The following LTBP1 variants were observed in gnomAD, a reference collection of about 807,000 sequenced individuals.
The protein encoded by LTBP1 is latent transforming growth factor beta binding protein 1, also known as latent-transforming growth factor beta-binding protein 1.
In LTBP1, 129 loss-of-function variants were observed where a neutral mutation model predicts 207.6. The observed-to-expected ratio is 0.62, with a 90% CI of 0.54 to 0.72. The LOEUF (loss-of-function observed/expected upper bound fraction) is 0.72, where lower values mean the gene tolerates loss of function less well. Ranked by LOEUF, LTBP1 falls within the 30% of genes least tolerant of loss-of-function variation. The pLI is 0.00. For synonymous variants in LTBP1, 963 were observed against 833.7 expected (o/e 1.16, Z -2.67); for missense variants, 2,281 against 2,217.2 (o/e 1.03, Z -0.58).
Position 33,271,299 on chromosome 2 carries a change from A to T in LTBP1, c.2618-2357A>T, listed in dbSNP as rs531924622. On this transcript the variant is annotated intron_variant, in intron 15 of 33. Coordinates refer to ENST00000404816, the MANE Select transcript of LTBP1 (RefSeq NM_206943.4). ...CCTGAATATATTAATTCACCTTCTA[A>T]TTTTTTTTTTTGCAAATATGGTCAA... is the stretch of plus-strand genomic sequence containing the variant. Among the ~76,000 whole-genome samples, 866 of 149,092 alleles carry T rather than the reference A, an allele frequency of 5.8e-3. 11 individuals are homozygous for T. The highest frequency in any genetic ancestry group is 0.02 in the African/African-American group (827 of 40,726).
intron 3 of LTBP1, chr2:33,056,359 C>A: frequency 8.0e-7 from 1 of 1,252,322 alleles, no homozygotes; most frequent in South Asian, 2.7e-5. Flanking sequence ...TTGTGGCTTT[C>A]GGTTTTCTTT....
At chr2:33,368,083 T>A (rs546311566) in intron 31 of LTBP1, among the ~76,000 whole-genome samples, 7 of 152,076 alleles carry the variant, frequency 4.6e-5, no homozygotes, top group Non-Finnish European at 8.8e-5. Context: ...GGCGCATGCC[T>A]GTAATCTCAG....
intron 3 of LTBP1, among the ~76,000 whole-genome samples, chr2:33,098,523 C>T (rs927776720): frequency 6.6e-6 from 1 of 152,092 alleles, no homozygotes; most frequent in Non-Finnish European, 1.5e-5. Flanking sequence ...ACTTCTGCCT[C>T]CTGAGTTCTA....
intron 32 of LTBP1, among the ~76,000 whole-genome samples, chr2:33,395,814 C>T (rs2095353121): frequency 1.3e-5 from 2 of 151,916 alleles, no homozygotes; most frequent in Non-Finnish European, 1.5e-5. Context: ...GACCTTATTG[C>T]CCTCCATAAG....
chr2:32,978,692 T>G (rs1284201466), intron 2 of LTBP1, among the ~76,000 whole-genome samples: 16 of 151,110 alleles, frequency 1.1e-4, no homozygotes, highest in Admixed American at 9.2e-4. Flanking sequence ...TGCATGTGTC[T>G]TTGGTTTTGG....
At chr2:33,027,485 A>G (rs1229825881) in intron 3 of LTBP1, among the ~76,000 whole-genome samples, 3 of 152,142 alleles carry the variant, frequency 2.0e-5, no homozygotes, top group African/African-American at 4.8e-5. Flanking sequence ...CTAACATTTT[A>G]TACCCTTTGA....
Position 33,315,098 on chromosome 2 carries a change from G to T in LTBP1, c.3605-46G>T, listed in dbSNP as rs753873265. On this transcript the variant is annotated intron_variant, in intron 23 of 33. Transcript: ENST00000404816. Reference sequence around the variant, plus strand: ...CATCTGTTTGATAGTATATGGGAATGAAACCGATTTTTTTCAAGTTTTTAA... The same window carrying T: ...CATCTGTTTGATAGTATATGGGAATTAAACCGATTTTTTTCAAGTTTTTAA... The T allele has an allele frequency of 1.7e-5, 26 of 1,529,538 alleles. No homozygotes were observed. The East Asian group carries it at 5.6e-4, about 33-fold the overall frequency. 94.7% of individuals were successfully genotyped at this position (1,529,538 alleles called of 1,614,324 possible).
At chr2:33,341,714 CAA>C (rs1212498794) in intron 24 of LTBP1, among the ~76,000 whole-genome samples, 59 of 113,044 alleles carry the variant, frequency 5.2e-4, no homozygotes, top group Admixed American at 1.8e-3. Flanking sequence ...CCGTCTCACT[CAA>C]AAAAAAAAAA....
intron 3 of LTBP1, among the ~76,000 whole-genome samples, chr2:33,021,804 A>C (rs759367554): frequency 2.6e-5 from 4 of 151,362 alleles, no homozygotes; most frequent in Non-Finnish European, 5.9e-5. Context: ...TTTTTTTCTT[A>C]GTGTTAGGAA....
At position 33,256,131 on chromosome 2, in the gene LTBP1, T is replaced by C. The variant is rs565089942; in HGVS notation, c.2168-1153T>C. Reference sequence around the variant, plus strand: ...ACTTTTTTTCTGGCAATGGTAGTGATTGATTCCAGGGCACAGAATATCTCC... The same window carrying C: ...ACTTTTTTTCTGGCAATGGTAGTGACTGATTCCAGGGCACAGAATATCTCC... On this transcript the variant is annotated intron_variant, in intron 11 of 33. Transcript: ENST00000404816. 7.9e-5 allele frequency among the ~76,000 whole-genome samples: 12 copies of C among 152,184 alleles called. No homozygotes were observed. In the East Asian group the frequency reaches 1.5e-3, roughly 20 times the overall value.
chr2:33,167,042 A>C (rs934144329), intron 5 of LTBP1, among the ~76,000 whole-genome samples: 1 of 152,176 alleles, frequency 6.6e-6, no homozygotes, highest in Non-Finnish European at 1.5e-5. Flanking sequence ...GACCCTACAC[A>C]TGACACCACC....
At chr2:33,136,369 C>G (rs527660601) in intron 5 of LTBP1, among the ~76,000 whole-genome samples, 16 of 152,178 alleles carry the variant, frequency 1.1e-4, no homozygotes, top group Non-Finnish European at 2.1e-4. Flanking sequence ...GTTAATATTT[C>G]TGGGCCTCAG....
intron 24 of LTBP1, among the ~76,000 whole-genome samples, chr2:33,337,543 C>A (rs947011306): frequency 6.6e-6 from 1 of 152,194 alleles, no homozygotes. Context: ...CTGCCTTCTT[C>A]AGTAAAGTGT....
In LTBP1 at chr2:33,150,710, C is replaced by CTT. The variant is rs1176008947; in HGVS notation, c.1201+15775_1201+15776dup. Reference sequence around the variant, plus strand: ...CTTTTCTTTTTTCTTTTTTCTTTTTCTTTTTTTTTTTTTTTTTTTTTTTTT... The same window carrying CTT: ...CTTTTCTTTTTTCTTTTTTCTTTTTCTTTTTTTTTTTTTTTTTTTTTTTTTTT... On this transcript the variant is annotated intron_variant, in intron 5 of 33. Coordinates refer to ENST00000404816, the MANE Select transcript of LTBP1 (RefSeq NM_206943.4). 2.2e-3 allele frequency among the ~76,000 whole-genome samples: 152 copies of CTT among 69,298 alleles called. 17 individuals carry two copies. Among genetic ancestry groups the CTT allele is most frequent in the East Asian group, 6.5e-3 (15 of 2,300 alleles). The allele number at this position is 69,298 out of a possible 152,430, so 45.5% of individuals were successfully genotyped here. A position where few individuals can be genotyped will look rare whatever the true frequency, so the allele number is the denominator to read the frequency against.
intron 19 of LTBP1, 129 bp from the exon 20 acceptor site, chr2:33,293,031 A>G (rs2093805308): frequency 1.1e-6 from 1 of 947,184 alleles, no homozygotes; most frequent in African/African-American, 1.7e-5. Context: ...GGCTAATTTG[A>G]AAGTTTATCT....
intron 9 of LTBP1, among the ~76,000 whole-genome samples, chr2:33,226,126 A>G (rs1271704142): frequency 2.0e-5 from 3 of 152,208 alleles, no homozygotes; most frequent in African/African-American, 4.8e-5. Context: ...AATACTTGTG[A>G]AATTTTTCTT....
At chr2:33,230,095 T>C (rs1320558829) in intron 9 of LTBP1, among the ~76,000 whole-genome samples, 1 of 152,210 alleles carries the variant, frequency 6.6e-6, no homozygotes, top group Non-Finnish European at 1.5e-5. Flanking sequence ...ACCTTGAAGC[T>C]TTTTGATTTT....
intron 20 of LTBP1, among the ~76,000 whole-genome samples, chr2:33,299,135 G>A (rs192972517): frequency 5.9e-5 from 9 of 151,854 alleles, no homozygotes; most frequent in Admixed American, 2.0e-4. Flanking sequence ...TGAGCTGGGC[G>A]GGAGGCTGAG....
chr2:33,073,449 A>C (rs1487458179), intron 3 of LTBP1, among the ~76,000 whole-genome samples: 1 of 152,116 alleles, frequency 6.6e-6, no homozygotes, highest in Non-Finnish European at 1.5e-5. Flanking sequence ...TACAGTTTTC[A>C]TCTCGAGCCA....
Sources: gnomAD v4.1 joint callset for allele counts (sites outside exome capture counted in the v4.1 genomes callset) on GRCh38, gnomAD v4.1.1 for gene constraint, MANE v1.5 for transcripts, NCBI Gene and HGNC (gene_info 2026-07-23, HGNC 2026-07-21) for gene names.